ESS2: variants seen among roughly 807,000 people sequenced by gnomAD.
ESS2 encodes splicing factor ESS-2 homolog.
In ESS2, 31 loss-of-function variants were observed where a neutral mutation model predicts 52.0. The ratio of observed to expected loss-of-function variants is 0.60; its 90% CI spans 0.45 to 0.81. ESS2 has a LOEUF of 0.81. Ranked by LOEUF, ESS2 falls within the 30% of genes least tolerant of loss-of-function variation. The pLI, the probability that ESS2 is intolerant of heterozygous loss-of-function variation, is 0.00. For missense variants in ESS2, 602 were observed against 637.2 expected (o/e 0.94, Z 0.59); for synonymous variants, 285 against 259.2 (o/e 1.10, Z -0.95).
At position 19,139,741 on chromosome 22, in the gene ESS2, T is replaced by C. The variant is rs1193778297; in HGVS notation, c.571-12A>G. 3 of 1,614,020 alleles carry C rather than the reference T, an allele frequency of 1.9e-6. No individual in the cohort carries two copies. The highest frequency in any genetic ancestry group is 2.5e-6 in the Non-Finnish European group (3 of 1,179,992). On this transcript the variant is annotated splice_polypyrimidine_tract_variant and intron_variant, in intron 4 of 9. Coordinates refer to ENST00000252137, the MANE Select transcript of ESS2 (RefSeq NM_022719.3). ...TTATCTTTCTGCCTCTGCAATCACATGGGGAAAAGTGATGGTCAGAGATGC... is the reference window on the plus strand; with the variant it reads ...TTATCTTTCTGCCTCTGCAATCACACGGGGAAAAGTGATGGTCAGAGATGC...
At chr22:19,134,722 C>T (rs1248618554) in intron 9 of ESS2, among the ~76,000 whole-genome samples, 2 of 152,154 alleles carry the variant, frequency 1.3e-5, no homozygotes, top group African/African-American at 4.8e-5. Flanking sequence ...CACCCCCAGG[C>T]CTCTGAGAGT....
intron 8 of ESS2, 46 bp downstream of exon 8, chr22:19,137,277 G>A (rs1439448145): frequency 7.1e-7 from 1 of 1,409,638 alleles, no homozygotes. Flanking sequence ...GGGCTCCAGA[G>A]GTGTCCACCC....
At chr22:19,140,697 G>A (rs984090470) in intron 3 of ESS2, among the ~76,000 whole-genome samples, 1 of 152,166 alleles carries the variant, frequency 6.6e-6, no homozygotes, top group Non-Finnish European at 1.5e-5. Context: ...GGGCCACCTG[G>A]AGAGCTCTGC....
In ESS2 at chr22:19,142,890, A is replaced by G; in HGVS notation, c.140T>C (p.Leu47Pro). The change falls in exon 2 of 10, where the codon CTC becomes CCC. Residue 47 changes from leucine (L) to proline (P), a missense_variant. By Grantham distance (98) the Leu-to-Pro change is moderately conservative. Transcript: ENST00000252137. ...VLDEEEYIEG[L>P]QTVIQRDFFP... ...GAAATCCCTTTGGATGACCGTCTGG[A>G]GGCCCTGCAAGGAGAGATCAGAATG... 1 of 1,612,722 alleles carries G rather than the reference A, an allele frequency of 6.2e-7. No homozygotes were observed. Among genetic ancestry groups the G allele is most frequent in the Non-Finnish European group, 8.5e-7 (1 of 1,179,348 alleles).
In ESS2 at chr22:19,132,586, C is replaced by A; in HGVS notation, c.*1610G>T. ...GTAGGATCTGAAGAAGGCACAGGTG[C>A]AAGTAAAATTCGTCAATTAAACCAC... On this transcript the variant is annotated 3_prime_UTR_variant, in exon 10 of 10. Coordinates refer to ENST00000252137, the MANE Select transcript of ESS2 (RefSeq NM_022719.3). The surrounding 1 kb of genome is among the most constrained non-coding windows in gnomAD (Gnocchi z 4.2). 1 of 1,136,960 alleles carries A rather than the reference C, an allele frequency of 8.8e-7. No individual in the cohort carries two copies. The highest frequency in any genetic ancestry group is 1.3e-6 in the Non-Finnish European group (1 of 790,064). 70.4% of individuals were successfully genotyped at this position (1,136,960 alleles called of 1,614,324 possible).
chr22:19,137,786 C>CA, intron 7 of ESS2: 1 of 985,408 alleles, frequency 1.0e-6, no homozygotes, highest in Non-Finnish European at 1.2e-6. Context: ...TGGCGTGTGA[C>CA]ACAGCACCAG....
At position 19,132,181 on chromosome 22, in the gene ESS2, T is replaced by C. The variant is rs1350744331; in HGVS notation, c.*2015A>G. On this transcript the variant is annotated 3_prime_UTR_variant, in exon 10 of 10. Transcript: ENST00000252137. This position sits in a 1 kb window ranked among gnomAD's most constrained non-coding sequence, Gnocchi z 4.2. ...CTGCAGCCCGACGTCAGCCAGCGGC[T>C]CCACATCGATGAGATCCTCAGCCAC... 1 of 1,612,936 alleles carries C rather than the reference T, an allele frequency of 6.2e-7. No homozygotes were observed. Among genetic ancestry groups the C allele is most frequent in the Admixed American group, 1.7e-5 (1 of 59,984 alleles).
Position 19,137,364 on chromosome 22 carries a change from C to T in ESS2, c.994G>A (p.Glu332Lys). The change falls in exon 8 of 10, where the codon GAA becomes AAA. Residue 332 changes from glutamate to lysine, a missense_variant. Transcript: ENST00000252137. The stretch of plus-strand genomic sequence containing the variant: ...GGTGTCCTGTCCACGTAGGGCGTTT[C>T]CGACCCTTCAACTCTCAAGGGTGTG... Reference protein sequence around the residue: ...ENTPLRVEGSETPYVDRTPGP... With the variant: ...ENTPLRVEGSKTPYVDRTPGP... 6.2e-7 allele frequency: 1 copy of T among 1,613,902 alleles called. No homozygotes were observed. Among genetic ancestry groups the T allele is most frequent in the Non-Finnish European group, 8.5e-7 (1 of 1,179,898 alleles).
chr22:19,140,937 T>C (rs892596544), intron 3 of ESS2, among the ~76,000 whole-genome samples: 3 of 152,126 alleles, frequency 2.0e-5, no homozygotes, highest in Non-Finnish European at 4.4e-5. Flanking sequence ...ACCACTTAGG[T>C]TCTGAAAAGG....
intron 8 of ESS2, 77 bp downstream of exon 8, chr22:19,137,246 G>C: frequency 1.8e-6 from 2 of 1,099,374 alleles, no homozygotes; most frequent in South Asian, 2.9e-5. Context: ...CCAGTGCTCA[G>C]TCCTGAGCCA....
At chr22:19,141,241 G>A (rs1601361882) in intron 3 of ESS2, among the ~76,000 whole-genome samples, 1 of 152,152 alleles carries the variant, frequency 6.6e-6, no homozygotes, top group South Asian at 2.1e-4. Flanking sequence ...CGAAAAAGCT[G>A]GATTGTAAAG....
chr22:19,140,340 G>A (rs926446983), intron 3 of ESS2, among the ~76,000 whole-genome samples: 10 of 152,152 alleles, frequency 6.6e-5, no homozygotes, highest in African/African-American at 2.2e-4. Context: ...GCAAGAGCTC[G>A]TGATCACAGG....
intron 8 of ESS2, among the ~76,000 whole-genome samples, 155 bp from the exon 9 acceptor site, chr22:19,135,330 C>T (rs2083563487): frequency 6.6e-6 from 1 of 152,224 alleles, no homozygotes; most frequent in Non-Finnish European, 1.5e-5. Context: ...CCTGGAAAGC[C>T]CCAAACCCCA....
rs146152930 is a variant in ESS2, at chr22:19,134,459, G to A, written c.1168C>T (p.Leu390=). The stretch of plus-strand genomic sequence containing the variant: ...AGGGCTGGCGACATGGCTGGGCTCA[G>A]GCCTTTGGGGGTGAGGCTGGGGTGG... ...ENLASLTPKG[L]SPAMSPALQR... Residue 390 remains leucine, a synonymous_variant, in exon 10 of 10, where the codon CTG becomes TTG. Transcript: ENST00000252137. 1 of 1,567,140 alleles carries A rather than the reference G, an allele frequency of 6.4e-7. No homozygotes were observed. The highest frequency in any genetic ancestry group is 1.4e-5 in the African/African-American group (1 of 73,540).
intron 8 of ESS2, among the ~76,000 whole-genome samples, chr22:19,136,031 T>TAAAAAAAAAAAAAAAAAAA (rs377121962): frequency 3.9e-4 from 36 of 92,536 alleles, no homozygotes; most frequent in African/African-American, 1.5e-3. Flanking sequence ...CCCTATCTGT[T>TAAAAAAAAAAAAAAAAAAA]AAAAAAAAAA....
chr22:19,132,151 G>A lies in ESS2; in HGVS notation c.*2045C>T, dbSNP rs74789507. 29 of 1,613,024 alleles carry A rather than the reference G, an allele frequency of 1.8e-5. No homozygotes were observed. The South Asian group carries it at 2.1e-4, about 12-fold the overall frequency. ...TGCGAGTGCAAGGACCTCATCTACC[G>A]CATGCTGCAGCCCGACGTCAGCCAG... On this transcript the variant is annotated 3_prime_UTR_variant, in exon 10 of 10. Coordinates refer to ENST00000252137, the MANE Select transcript of ESS2 (RefSeq NM_022719.3). This position sits in a 1 kb window ranked among gnomAD's most constrained non-coding sequence, Gnocchi z 4.2.
intron 8 of ESS2, among the ~76,000 whole-genome samples, chr22:19,136,479 C>T (rs1261776862): frequency 6.6e-6 from 1 of 152,110 alleles, no homozygotes; most frequent in Non-Finnish European, 1.5e-5. Context: ...TCCTGAGGAC[C>T]CAGCTCCCTT....
intron 8 of ESS2, among the ~76,000 whole-genome samples, chr22:19,136,575 C>T (rs1010463443): frequency 1.3e-5 from 2 of 152,138 alleles, no homozygotes; most frequent in Non-Finnish European, 2.9e-5. Context: ...TGGTTTGTTT[C>T]AGAATTTATC....
At position 19,137,450 on chromosome 22, in the gene ESS2, A is replaced by C. The variant is rs755595830; in HGVS notation, c.926-18T>G. 5 of 1,595,498 alleles carry C rather than the reference A, an allele frequency of 3.1e-6. No individual in the cohort carries two copies. The African/African-American group carries it at 6.7e-5, about 21-fold the overall frequency. On this transcript the variant is annotated intron_variant, in intron 7 of 9. Transcript: ENST00000252137. Reference sequence around the variant, plus strand: ...GTTCACACCTGCAGACAAAGAGCCCAAAACCACCTCAGGCCAGAGGACTCC... The same window carrying C: ...GTTCACACCTGCAGACAAAGAGCCCCAAACCACCTCAGGCCAGAGGACTCC...
Sources: gnomAD v4.1 joint callset for allele counts (sites outside exome capture counted in the v4.1 genomes callset) on GRCh38, gnomAD v4.1.1 for gene constraint, Gnocchi (gnomAD v3.1) non-coding constraint, MANE v1.5 for transcripts, NCBI Gene and HGNC (gene_info 2026-07-23, HGNC 2026-07-21) for gene names.